The following GRM8 variants were observed in gnomAD, a reference collection of about 807,000 sequenced individuals.
GRM8 encodes glutamate metabotropic receptor 8.
GRM8 carries 47 observed loss-of-function variants against 87.2 expected under a neutral mutation model. The ratio of observed to expected loss-of-function variants is 0.54; its 90% CI spans 0.43 to 0.69. The LOEUF (loss-of-function observed/expected upper bound fraction) is 0.69, where lower values mean the gene tolerates loss of function less well. Among genes scored for constraint, GRM8 ranks in the 30% least tolerant of loss-of-function variants. The pLI is 0.00. For synonymous variants in GRM8, 396 were observed against 404.5 expected, an observed-to-expected ratio of 0.98 and a Z score of 0.25; for missense variants, 1,019 against 1,139.2, an observed-to-expected ratio of 0.89 and a Z score of 1.52.
chr7:127,178,005 C>A (rs1794215769), intron 2 of GRM8, among the ~76,000 whole-genome samples: 1 of 152,152 alleles, frequency 6.6e-6, no homozygotes, highest in Non-Finnish European at 1.5e-5. Context: ...GAATAAATCC[C>A]TGATTTACCT....
chr7:126,570,954 CT>C, intron 8 of GRM8, among the ~76,000 whole-genome samples: 1 of 152,170 alleles, frequency 6.6e-6, no homozygotes, highest in East Asian at 1.9e-4. Flanking sequence ...ATGTTTGTCA[CT>C]TTTTTTCTAA....
chr7:126,563,738 A>G (rs1273338394), intron 8 of GRM8, among the ~76,000 whole-genome samples: 1 of 152,204 alleles, frequency 6.6e-6, no homozygotes, highest in Non-Finnish European at 1.5e-5. Context: ...AGCTGCATAA[A>G]AAGATATCCT....
intron 2 of GRM8, among the ~76,000 whole-genome samples, chr7:127,226,338 G>A (rs113915811): frequency 4.6e-5 from 7 of 152,170 alleles, no homozygotes; most frequent in African/African-American, 1.2e-4. Flanking sequence ...CTCCTTGCAC[G>A]TATTCAAAAA....
intron 2 of GRM8, among the ~76,000 whole-genome samples, chr7:127,165,145 T>C (rs1254044911): frequency 2.7e-4 from 3 of 11,226 alleles, no homozygotes; most frequent in Admixed American, 5.4e-4. Context: ...TAAACAGATA[T>C]ATATATATAT....
chr7:126,519,212 A>G (rs1812612813), intron 9 of GRM8, among the ~76,000 whole-genome samples: 1 of 152,106 alleles, frequency 6.6e-6, no homozygotes. Flanking sequence ...CCATAGTTGC[A>G]TAAATAACTG....
intron 10 of GRM8, among the ~76,000 whole-genome samples, chr7:126,441,899 C>T (rs1348118360): frequency 1.3e-5 from 2 of 151,990 alleles, no homozygotes; most frequent in African/African-American, 4.8e-5. Context: ...ATCTGCTTAT[C>T]TTATCTACAT....
chr7:127,118,991 C>T (rs973533356), intron 2 of GRM8, among the ~76,000 whole-genome samples: 3 of 152,194 alleles, frequency 2.0e-5, no homozygotes, highest in Non-Finnish European at 2.9e-5. Context: ...TTTCATCAAT[C>T]CCAATTGCTA....
intron 6 of GRM8, among the ~76,000 whole-genome samples, chr7:126,849,692 A>G (rs1456036980): frequency 1.3e-5 from 2 of 152,052 alleles, no homozygotes; most frequent in Admixed American, 6.6e-5. Flanking sequence ...ATGATCTTGC[A>G]TCCCCATTCT....
chr7:126,699,519 A>G (rs1239995280), intron 7 of GRM8, among the ~76,000 whole-genome samples: 1 of 152,188 alleles, frequency 6.6e-6, no homozygotes, highest in Non-Finnish European at 1.5e-5. Context: ...TGTGATTTTG[A>G]TAAGACTGCT....
At chr7:126,671,531 C>T (rs1336748949) in intron 7 of GRM8, among the ~76,000 whole-genome samples, 1 of 152,160 alleles carries the variant, frequency 6.6e-6, no homozygotes, top group Non-Finnish European at 1.5e-5. Context: ...AAATTCTAAA[C>T]TCACCAGTCA....
intron 3 of GRM8, among the ~76,000 whole-genome samples, chr7:126,982,137 G>A (rs1346074030): frequency 6.6e-6 from 1 of 152,198 alleles, no homozygotes; most frequent in Admixed American, 6.5e-5. Context: ...CGACGTTCAA[G>A]GGCAGGGAGC....
At chr7:126,979,590 T>C (rs527281224) in intron 3 of GRM8, among the ~76,000 whole-genome samples, 56 of 152,320 alleles carry the variant, frequency 3.7e-4, no homozygotes, top group African/African-American at 1.3e-3. Context: ...CCAGAATCCC[T>C]AAATCTTGAA....
At chr7:126,843,779 G>A (rs1393328992) in intron 6 of GRM8, among the ~76,000 whole-genome samples, 1 of 152,214 alleles carries the variant, frequency 6.6e-6, no homozygotes, top group Non-Finnish European at 1.5e-5. Context: ...CTGCTCAGCT[G>A]TTACATGTGC....
intron 2 of GRM8, among the ~76,000 whole-genome samples, chr7:127,122,554 T>C (rs1827146948): frequency 6.6e-6 from 1 of 151,580 alleles, no homozygotes; most frequent in African/African-American, 2.4e-5. Flanking sequence ...AACCTCAAAT[T>C]TGATGAGACA....
chr7:127,224,195 G>C (rs1797166850), intron 2 of GRM8, among the ~76,000 whole-genome samples: 1 of 152,108 alleles, frequency 6.6e-6, no homozygotes, highest in Non-Finnish European at 1.5e-5. Flanking sequence ...GTTGGCAAAA[G>C]ACAGAATCAA....
intron 2 of GRM8, among the ~76,000 whole-genome samples, chr7:127,240,160 G>A (rs1253118944): frequency 6.6e-6 from 1 of 152,068 alleles, no homozygotes; most frequent in Non-Finnish European, 1.5e-5. Flanking sequence ...CAGTCAGATG[G>A]GGTCCCTCCA....
At chr7:127,044,826 A>C (rs1818776677) in intron 3 of GRM8, among the ~76,000 whole-genome samples, 1 of 152,198 alleles carries the variant, frequency 6.6e-6, no homozygotes, top group African/African-American at 2.4e-5. Flanking sequence ...TAAGTGTATT[A>C]TTTTCTTCAA....
chr7:126,992,856 C>T (rs1015187611), intron 3 of GRM8, among the ~76,000 whole-genome samples: 1 of 150,912 alleles, frequency 6.6e-6, no homozygotes, highest in African/African-American at 2.4e-5. Context: ...TGTGTGTGTA[C>T]ACAAAGAGGT....
chr7:126,669,869 T>C (rs1413844458), intron 7 of GRM8, among the ~76,000 whole-genome samples: 1 of 152,232 alleles, frequency 6.6e-6, no homozygotes, highest in African/African-American at 2.4e-5. Flanking sequence ...TAAAGGATTG[T>C]TTTAAATTAG....
Sources: allele counts gnomAD v4.1 joint callset (sites outside exome capture counted in the v4.1 genomes callset), GRCh38; gene constraint gnomAD v4.1.1; transcripts MANE v1.5; gene names NCBI Gene and HGNC (gene_info 2026-07-23, HGNC 2026-07-21).